The following HSPB8 variants were observed in gnomAD, a reference collection of about 807,000 sequenced individuals.
HSPB8 encodes the protein heat shock protein beta-8.
HSPB8 carries 9 observed loss-of-function variants against 16.5 expected under a neutral mutation model. That is an observed-to-expected ratio of 0.55 (90% confidence interval 0.33 to 0.95). The LOEUF (loss-of-function observed/expected upper bound fraction) is 0.95, where lower values mean the gene tolerates loss of function less well. Among genes scored for constraint, HSPB8 ranks in the 40% least tolerant of loss-of-function variants. HSPB8 has a pLI of 0.03. For synonymous variants in HSPB8, 99 were observed against 94.8 expected, an observed-to-expected ratio of 1.04 and a Z score of -0.26; for missense variants, 238 against 251.2, an observed-to-expected ratio of 0.95 and a Z score of 0.35.
chr12:119,186,975 G>A, intron 1 of HSPB8, 50 bp from the exon 2 acceptor site: 5 of 1,572,956 alleles, frequency 3.2e-6, no homozygotes, highest in Non-Finnish European at 3.5e-6. Flanking sequence ...AGTCCTGAAG[G>A]ATGCCCAAGG....
intron 2 of HSPB8, among the ~76,000 whole-genome samples, chr12:119,188,844 T>C (rs1007890044): frequency 1.3e-5 from 2 of 152,176 alleles, no homozygotes; most frequent in East Asian, 1.9e-4. Context: ...CCAGCGTAGG[T>C]CCTCATAAGT....
chr12:119,189,732 A>G (rs1347641360), intron 2 of HSPB8, among the ~76,000 whole-genome samples: 1 of 152,132 alleles, frequency 6.6e-6, no homozygotes, highest in Admixed American at 6.5e-5. Flanking sequence ...CTGGTTCCTA[A>G]CAGGCCACAG....
chr12:119,184,705 A>G (rs1954663093), intron 1 of HSPB8, among the ~76,000 whole-genome samples: 1 of 152,216 alleles, frequency 6.6e-6, no homozygotes, highest in African/African-American at 2.4e-5. Context: ...GAAATTCTGG[A>G]AGTTGCATTA....
At chr12:119,183,189 T>A (rs1645952821) in intron 1 of HSPB8, 1 of 152,278 alleles carries the variant, frequency 6.6e-6, no homozygotes. Flanking sequence ...AAGTCACTAA[T>A]GTAGTTTATG....
Position 119,193,974 on chromosome 12 carries a change from G to A in HSPB8, c.*116G>A. On this transcript the variant is annotated 3_prime_UTR_variant, in exon 3 of 3. Coordinates refer to ENST00000281938, the MANE Select transcript of HSPB8 (RefSeq NM_014365.3). ...TGCAAGTAAAATGTTAGAGGGTGCG[G>A]GGGTGAGGACTGACCACAGATTCCC... 3 of 1,161,516 alleles carry A rather than the reference G, an allele frequency of 2.6e-6. No homozygotes were observed. The highest frequency in any genetic ancestry group is 1.3e-5 in the South Asian group (1 of 79,862). 72.0% of individuals were successfully genotyped at this position (1,161,516 alleles called of 1,614,324 possible). A position where few individuals can be genotyped will look rare whatever the true frequency, so the allele number is the denominator to read the frequency against.
chr12:119,187,074 C>T lies in HSPB8; in HGVS notation c.417C>T (p.Phe139=), dbSNP rs1316961608. Residue 139 remains phenylalanine, a synonymous_variant, in exon 2 of 3, where the codon TTC becomes TTT. Coordinates refer to ENST00000281938, the MANE Select transcript of HSPB8 (RefSeq NM_014365.3). ...QQEGGIVSKN[F]TKKIQLPAEV... Reference sequence around the variant, plus strand: ...AAGGTGGCATTGTTTCTAAGAACTTCACAAAGAAAATCCAGTAAGTAACCT... The same window carrying T: ...AAGGTGGCATTGTTTCTAAGAACTTTACAAAGAAAATCCAGTAAGTAACCT... 1 of 1,613,956 alleles carries T rather than the reference C, an allele frequency of 6.2e-7. No individual in the cohort carries two copies. Among genetic ancestry groups the T allele is most frequent in the African/African-American group, 1.3e-5 (1 of 75,040 alleles).
intron 2 of HSPB8, among the ~76,000 whole-genome samples, chr12:119,189,984 G>A (rs144996996): frequency 2.4e-4 from 37 of 152,284 alleles, no homozygotes; most frequent in South Asian, 1.0e-3. Flanking sequence ...TCTCAGCTCC[G>A]GGTGCAGGGA....
At chr12:119,190,248 C>T (rs1028834138) in intron 2 of HSPB8, among the ~76,000 whole-genome samples, 12 of 152,196 alleles carry the variant, frequency 7.9e-5, no homozygotes, top group African/African-American at 2.4e-4. Flanking sequence ...ACTCTAGACA[C>T]CTAGGAGTCG....
At chr12:119,186,305 C>G (rs1343051445) in intron 1 of HSPB8, among the ~76,000 whole-genome samples, 1 of 152,180 alleles carries the variant, frequency 6.6e-6, no homozygotes, top group East Asian at 1.9e-4. Flanking sequence ...TTGAAGCATT[C>G]TTTTTCCAGG....
chr12:119,179,294 T>A lies in HSPB8; in HGVS notation c.-19T>A. ...CTGTCTCTCTGAGCCTCTGTTTCTC[T>A]CTGAGCTGAGCAGCCACCATGGCTG... On this transcript the variant is annotated 5_prime_UTR_variant, in exon 1 of 3. Transcript: ENST00000281938. 1 of 1,612,994 alleles carries A rather than the reference T, an allele frequency of 6.2e-7. No homozygotes were observed. The highest frequency in any genetic ancestry group is 8.5e-7 in the Non-Finnish European group (1 of 1,179,928).
intron 1 of HSPB8, among the ~76,000 whole-genome samples, chr12:119,185,568 G>A (rs997835580): frequency 1.3e-5 from 2 of 152,030 alleles, no homozygotes; most frequent in African/African-American, 4.8e-5. Context: ...TCTTGACCTC[G>A]TGATCCACCT....
Position 119,194,213 on chromosome 12 carries a change from A to C in HSPB8, c.*355A>C. Reference sequence around the variant, plus strand: ...ATGCAAGGGTTACTTTTCTCTGGGGACCTCCCCCATCACCCAGGTTCCTAC... The same window carrying C: ...ATGCAAGGGTTACTTTTCTCTGGGGCCCTCCCCCATCACCCAGGTTCCTAC... On this transcript the variant is annotated 3_prime_UTR_variant, in exon 3 of 3. Coordinates refer to ENST00000281938, the MANE Select transcript of HSPB8 (RefSeq NM_014365.3). 11 of 300,992 alleles carry C rather than the reference A, an allele frequency of 3.7e-5. No homozygotes were observed. The highest frequency in any genetic ancestry group is 5.8e-5 in the Non-Finnish European group (9 of 156,114). The allele number at this position is 300,992 out of a possible 1,614,324, so 18.6% of individuals were successfully genotyped here. A position where few individuals can be genotyped will look rare whatever the true frequency, so the allele number is the denominator to read the frequency against.
intron 2 of HSPB8, among the ~76,000 whole-genome samples, chr12:119,191,130 T>C (rs1954709502): frequency 6.6e-6 from 1 of 152,182 alleles, no homozygotes; most frequent in South Asian, 2.1e-4. Context: ...GATGCCAACA[T>C]GTAAGGTCAA....
Position 119,181,630 on chromosome 12 carries a change from G to A in HSPB8, c.367+1951G>A, listed in dbSNP as rs528259858. Among the ~76,000 whole-genome samples, 15 of 152,118 alleles carry A rather than the reference G, an allele frequency of 9.9e-5. No homozygotes were observed. In the South Asian group the frequency reaches 2.1e-3, roughly 21 times the overall value. Reference sequence around the variant, plus strand: ...ACAAGGAATTAGTATTATTATTGTCGTCGTTATTGTTATAGTGTCAGGCAT... The same window carrying A: ...ACAAGGAATTAGTATTATTATTGTCATCGTTATTGTTATAGTGTCAGGCAT... On this transcript the variant is annotated intron_variant, in intron 1 of 2. Transcript: ENST00000281938.
chr12:119,189,313 G>GTGTC (rs1276302803), intron 2 of HSPB8, among the ~76,000 whole-genome samples: 2 of 150,638 alleles, frequency 1.3e-5, no homozygotes, highest in Non-Finnish European at 3.0e-5. Context: ...GTGTGTGTGT[G>GTGTC]TGTGTGTGTG....
chr12:119,193,803 A>G lies in HSPB8; in HGVS notation c.536A>G (p.Glu179Gly), dbSNP rs863224767. ...GTCCCTCCTTACTCAACATTTGGAG[A>G]GAGCAGTTTCAACAACGAGCTTCCC... ...PQVPPYSTFGESSFNNELPQD... is the reference protein window; with the variant it reads ...PQVPPYSTFGGSSFNNELPQD... The change falls in exon 3 of 3, where the codon GAG becomes GGG. Residue 179 changes from glutamate (E) to glycine (G), a missense_variant. Transcript: ENST00000281938. 1.4e-5 allele frequency: 23 copies of G among 1,614,006 alleles called. No homozygotes were observed. Among genetic ancestry groups the G allele is most frequent in the Non-Finnish European group, 1.8e-5 (21 of 1,180,032 alleles).
rs568228883 is a variant in HSPB8, at chr12:119,189,250, T to C, written c.431+2162T>C. Among the ~76,000 whole-genome samples the C allele has an allele frequency of 5.3e-5, 8 of 151,726 alleles. No individual in the cohort carries two copies. In the East Asian group the frequency reaches 1.6e-3, roughly 29 times the overall value. On this transcript the variant is annotated intron_variant, in intron 2 of 2. Transcript: ENST00000281938. ...TCAGGGTGGAGTCACAAGCAGGGCA[T>C]AGCTGTAAAAGGGACTGTGTAAGAA... is the stretch of plus-strand genomic sequence containing the variant.
intron 1 of HSPB8, 112 bp downstream of exon 1, chr12:119,179,791 G>C (rs975641319): frequency 2.9e-6 from 4 of 1,377,836 alleles, no homozygotes; most frequent in Non-Finnish European, 3.9e-6. Context: ...GTGTGACACA[G>C]GTGACCTCAG....
intron 1 of HSPB8, among the ~76,000 whole-genome samples, chr12:119,181,742 G>A (rs185456902): frequency 6.6e-6 from 1 of 152,298 alleles, no homozygotes; most frequent in East Asian, 1.9e-4. Context: ...TAGCATGGCG[G>A]ATGTGGACGA....
Sources: allele counts gnomAD v4.1 joint callset (sites outside exome capture counted in the v4.1 genomes callset), GRCh38; gene constraint gnomAD v4.1.1; transcripts MANE v1.5; gene names NCBI Gene and HGNC (gene_info 2026-07-23, HGNC 2026-07-21).